ASIC2: variants seen among roughly 807,000 people sequenced by gnomAD.
ASIC2 encodes the protein acid sensing ion channel subunit 2.
ASIC2 carries 25 observed loss-of-function variants against 57.3 expected under a neutral mutation model. The ratio of observed to expected loss-of-function variants is 0.44; its 90% confidence interval spans 0.32 to 0.61. ASIC2 has a LOEUF of 0.61. Ranked by LOEUF, ASIC2 falls within the 20% of genes least tolerant of loss-of-function variation. The probability of loss-of-function intolerance (pLI) is 0.06; values close to 1 mark genes in which losing one functional copy is unlikely to be tolerated. For synonymous variants in ASIC2, 319 were observed against 307.5 expected (o/e 1.04, Z -0.39); for missense variants, 641 against 738.1 (o/e 0.87, Z 1.52).
chr17:33,291,641 C>A lies in ASIC2; in HGVS notation c.475G>T (p.Gly159Trp). 6.2e-7 allele frequency: 1 copy of A among 1,607,648 alleles called. No homozygotes were observed. The change falls in exon 1 of 10, where the codon GGG becomes TGG. Residue 159 changes from glycine (G) to tryptophan (W), a missense_variant. By Grantham distance (184) the Gly-to-Trp change is radical. Transcript: ENST00000225823. The stretch of plus-strand genomic sequence containing the variant: ...GCGGTGCGGTTGGGCAGCAGCAGCC[C>A]GAGCCAGTGGCCGGCATAGTAGAGG... ...GDLYYAGHWL[G>W]LLLPNRTARP...
chr17:33,080,929 T>G (rs573400839), intron 3 of ASIC2, among the ~76,000 whole-genome samples: 11 of 152,338 alleles, frequency 7.2e-5, no homozygotes, highest in African/African-American at 2.4e-4. Flanking sequence ...ATTTTCCATT[T>G]AATGTTTTCA....
At chr17:33,039,298 G>A (rs914795915) in intron 3 of ASIC2, among the ~76,000 whole-genome samples, 2 of 152,172 alleles carry the variant, frequency 1.3e-5, no homozygotes. Flanking sequence ...ATCCCTGAGG[G>A]TTCCTGCCCA....
intron 1 of ASIC2, among the ~76,000 whole-genome samples, chr17:33,703,166 G>C (rs1365831980): frequency 6.6e-6 from 1 of 152,214 alleles, no homozygotes; most frequent in Non-Finnish European, 1.5e-5. Flanking sequence ...AGAATGGAAA[G>C]AACCTCAGGA....
At chr17:33,221,766 T>G (rs1907698451) in intron 1 of ASIC2, among the ~76,000 whole-genome samples, 1 of 152,254 alleles carries the variant, frequency 6.6e-6, no homozygotes, top group South Asian at 2.1e-4. Context: ...TTTTTTTTTC[T>G]GAAAGGTCAT....
At chr17:33,129,935 G>T (rs949436482) in intron 1 of ASIC2, among the ~76,000 whole-genome samples, 1 of 152,218 alleles carries the variant, frequency 6.6e-6, no homozygotes, top group Non-Finnish European at 1.5e-5. Context: ...CCGCCACTGG[G>T]CGGCTGAACA....
At chr17:33,730,609 C>T (rs540037009) in intron 1 of ASIC2, among the ~76,000 whole-genome samples, 1 of 152,296 alleles carries the variant, frequency 6.6e-6, no homozygotes, top group East Asian at 1.9e-4. Flanking sequence ...AAAATGAGCT[C>T]TTCTAGATGT....
At chr17:33,786,194 T>C (rs920312659) in intron 1 of ASIC2, among the ~76,000 whole-genome samples, 1 of 152,132 alleles carries the variant, frequency 6.6e-6, no homozygotes, top group African/African-American at 2.4e-5. Flanking sequence ...ACTGGCAGGT[T>C]CAAGGGCCAT....
At chr17:33,318,668 C>T (rs1196610382) in intron 1 of ASIC2, among the ~76,000 whole-genome samples, 2 of 152,148 alleles carry the variant, frequency 1.3e-5, no homozygotes, top group African/African-American at 4.8e-5. Context: ...TGAGAGTTCT[C>T]ACCGTGAGGA....
rs371466838 is a variant in ASIC2 at position 33,291,226 on chromosome 17, C to T, written c.708+182G>A. ...GAGGCGACTCCTCCTACAGTTAAGTCCAAGTTCCCACAACCTGCAGGAGAA... is the reference window on the plus strand; with the variant it reads ...GAGGCGACTCCTCCTACAGTTAAGTTCAAGTTCCCACAACCTGCAGGAGAA... On this transcript the variant is annotated intron_variant, in intron 1 of 9. Transcript: ENST00000225823. 1,077 of 1,337,524 alleles carry T rather than the reference C, an allele frequency of 8.1e-4. 11 individuals are homozygous for T. In the East Asian group the frequency reaches 0.02, roughly 25 times the overall value. The allele number at this position is 1,337,524 out of a possible 1,614,324, so 82.9% of individuals were successfully genotyped here.
intron 3 of ASIC2, among the ~76,000 whole-genome samples, chr17:33,072,141 G>C (rs953501838): frequency 1.3e-5 from 2 of 152,086 alleles, no homozygotes; most frequent in Non-Finnish European, 2.9e-5. Context: ...TTGACTCAGG[G>C]AGTCACTGGG....
At chr17:33,739,140 C>G (rs1382380346) in intron 1 of ASIC2, among the ~76,000 whole-genome samples, 3 of 152,116 alleles carry the variant, frequency 2.0e-5, no homozygotes. Context: ...AGATGAAGAA[C>G]CAGGGTGCTC....
At chr17:33,903,053 C>T (rs780514996) in intron 1 of ASIC2, among the ~76,000 whole-genome samples, 5 of 152,152 alleles carry the variant, frequency 3.3e-5, no homozygotes, top group Admixed American at 2.0e-4. Context: ...GCCTGTCTCC[C>T]GAGACCTTTG....
intron 1 of ASIC2, among the ~76,000 whole-genome samples, chr17:33,587,013 A>C (rs1156348454): frequency 6.6e-6 from 1 of 152,210 alleles, no homozygotes; most frequent in Non-Finnish European, 1.5e-5. Flanking sequence ...TTAATGTATC[A>C]ATGACTTAAA....
At chr17:33,837,537 C>T (rs182499871) in intron 1 of ASIC2, among the ~76,000 whole-genome samples, 115 of 152,266 alleles carry the variant, frequency 7.6e-4, no homozygotes, top group Admixed American at 1.3e-3. Flanking sequence ...CCTAAATGTG[C>T]TAATTAAGAC....
chr17:33,500,554 AAAG>A lies in ASIC2; in HGVS notation c.556-388490_556-388488del, dbSNP rs1351836550. Among the ~76,000 whole-genome samples, 3 of 152,244 alleles carry A rather than the reference AAAG, an allele frequency of 2.0e-5. No individual in the cohort carries two copies. In the East Asian group the frequency reaches 5.8e-4, roughly 29 times the overall value. ...CTATGATCTGTTAGGAGAGGTTCAG[AAAG>A]AAGAGTTGCATGGTCAAATAGATGT... On this transcript the variant is annotated intron_variant, in intron 1 of 9. Transcript: ENST00000359872.
chr17:33,070,697 CT>C (rs1213573622), intron 3 of ASIC2, among the ~76,000 whole-genome samples: 2 of 152,148 alleles, frequency 1.3e-5, no homozygotes, highest in African/African-American at 4.8e-5. Flanking sequence ...CTCCTCATTC[CT>C]TTTGTGTGAA....
At chr17:33,595,200 T>C (rs760399632) in intron 1 of ASIC2, among the ~76,000 whole-genome samples, 11 of 152,160 alleles carry the variant, frequency 7.2e-5, no homozygotes, top group Non-Finnish European at 1.5e-4. Flanking sequence ...CCCTCCAGCC[T>C]GGGCAAAAGA....
rs887006595 is a variant in ASIC2 at position 33,870,961 on chromosome 17, C to T, written c.555+285017G>A. 4.6e-5 allele frequency among the ~76,000 whole-genome samples: 7 copies of T among 152,296 alleles called. No individual in the cohort carries two copies. The South Asian group carries it at 8.3e-4, about 18-fold the overall frequency. On this transcript the variant is annotated intron_variant, in intron 1 of 9. Coordinates refer to the ASIC2 transcript ENST00000359872. The stretch of plus-strand genomic sequence containing the variant: ...TTTGCCTTGCAAACTGTCCTGAATG[C>T]GCTTTGCTTGTGCCCACCCCACCCC...
rs1326247572 is a variant in ASIC2 at position 33,023,992 on chromosome 17, G to T, written c.1218C>A (p.Ser406Arg). ...PALGLLAEKD[S>R]NYCLCRTPCN... Reference sequence around the variant, plus strand: ...AGGGTGTCCTGCAGAGACAGTAATTGCTGTCCTTTTCCGCCAACAGACCTG... The same window carrying T: ...AGGGTGTCCTGCAGAGACAGTAATTTCTGTCCTTTTCCGCCAACAGACCTG... Residue 406 changes from serine (S) to arginine (R), a missense_variant, in exon 6 of 10, where the codon AGC becomes AGA. Physicochemically the swap from Ser to Arg is moderately radical, Grantham distance 110 (BLOSUM62 -1). Coordinates refer to ENST00000225823, the MANE Select transcript of ASIC2 (RefSeq NM_183377.2). 1.9e-6 allele frequency: 3 copies of T among 1,614,054 alleles called. No individual in the cohort carries two copies. The highest frequency in any genetic ancestry group is 2.7e-5 in the African/African-American group (2 of 74,922).
Sources: gnomAD v4.1 joint callset for allele counts (sites outside exome capture counted in the v4.1 genomes callset) on GRCh38, gnomAD v4.1.1 for gene constraint, MANE v1.5 for transcripts, NCBI Gene and HGNC (gene_info 2026-07-23, HGNC 2026-07-21) for gene names.